PTPRS: variants seen among roughly 807,000 people sequenced by gnomAD.
PTPRS encodes the protein protein tyrosine phosphatase receptor type S.
PTPRS carries 63 observed loss-of-function variants against 215.3 expected under a neutral mutation model. The observed-to-expected ratio is 0.29, with a 90% CI of 0.24 to 0.36. The LOEUF is 0.36. Ranked by LOEUF, PTPRS falls within the 10% of genes least tolerant of loss-of-function variation. The pLI, the probability that PTPRS is intolerant of heterozygous loss-of-function variation, is 1.00. For synonymous variants in PTPRS, 1,404 were observed against 1,191.4 expected (o/e 1.18, Z -3.68); for missense variants, 2,258 against 2,825.8 (o/e 0.80, Z 4.56).
In PTPRS at chr19:5,322,216, C is replaced by G. The variant is rs1243361249; in HGVS notation, c.-95+18448G>C. Among the ~76,000 whole-genome samples, 8 of 152,344 alleles carry G rather than the reference C, an allele frequency of 5.3e-5. No individual in the cohort carries two copies. The East Asian group carries it at 9.6e-4, about 18-fold the overall frequency. ...CAGCTCTGCACAGCAGACACCCTCG[C>G]GGCCGTGCCTTGCTGGAGTATCCAC... On this transcript the variant is annotated intron_variant, in intron 1 of 37. Transcript: ENST00000262963.
chr19:5,244,039 G>A lies in PTPRS; in HGVS notation c.1432C>T (p.His478Tyr). Residue 478 changes from histidine (H) to tyrosine (Y), a missense_variant, in exon 11 of 38, where the codon CAC becomes TAC. This residue lies in a region of PTPRS where 508 missense variants were observed against 799.4 expected (regional missense o/e 0.64). Coordinates refer to ENST00000262963, the MANE Select transcript of PTPRS (RefSeq NM_002850.4). The surrounding 1 kb of genome is among the most constrained non-coding windows in gnomAD (Gnocchi z 7.2). ...GTCAGCAGGCTGTCGTCCACGTTGT[G>A]CTTCTGCCAGTTGCCCACGGGGTGC... ...PEHPVGNWQK[H>Y]NVDDSLLTTV... is the part of the protein sequence containing the mutation. 1 of 1,609,900 alleles carries A rather than the reference G, an allele frequency of 6.2e-7. No individual in the cohort carries two copies. The highest frequency in any genetic ancestry group is 8.5e-7 in the Non-Finnish European group (1 of 1,179,916).
rs535001171 is a variant in PTPRS, at chr19:5,284,533, C to T, written c.91+1517G>A. Reference sequence around the variant, plus strand: ...TGAGACAAGGTCTGGCTCTGTTGCCCAGGCTGAGTGCAGCGGTGCAATCAG... The same window carrying T: ...TGAGACAAGGTCTGGCTCTGTTGCCTAGGCTGAGTGCAGCGGTGCAATCAG... On this transcript the variant is annotated intron_variant, in intron 2 of 37. Coordinates refer to ENST00000262963, the MANE Select transcript of PTPRS (RefSeq NM_002850.4). 7.2e-5 allele frequency among the ~76,000 whole-genome samples: 11 copies of T among 152,188 alleles called. No individual in the cohort carries two copies. The South Asian group carries it at 2.3e-3, about 32-fold the overall frequency.
chr19:5,327,189 G>A lies in PTPRS; in HGVS notation c.-95+13475C>T, dbSNP rs917141937. Among the ~76,000 whole-genome samples, 21 of 152,306 alleles carry A rather than the reference G, an allele frequency of 1.4e-4. 1 individual carries two copies. The highest frequency in any genetic ancestry group is 3.8e-4 in the African/African-American group (16 of 41,574). ...GCACTGCAGTGGGCACACTCCAAGC[G>A]CAACTCAATACCCCGGACACAGCGA... On this transcript the variant is annotated intron_variant, in intron 1 of 37. Transcript: ENST00000262963.
At position 5,338,772 on chromosome 19, in the gene PTPRS, A is replaced by G. The variant is rs2147338283; in HGVS notation, c.-95+1892T>C. Among the ~76,000 whole-genome samples the G allele has an allele frequency of 6.6e-6, 1 of 152,298 alleles. No individual in the cohort carries two copies. Among genetic ancestry groups the G allele is most frequent in the African/African-American group, 2.4e-5 (1 of 41,568 alleles). ...GATTCGACCAAGTCCCTGGGCCATTAATAAACGCTCCAGCAGCTGCCGCTG... is the reference window on the plus strand; with the variant it reads ...GATTCGACCAAGTCCCTGGGCCATTGATAAACGCTCCAGCAGCTGCCGCTG... On this transcript the variant is annotated intron_variant, in intron 1 of 37. Transcript: ENST00000262963. This position sits in a 1 kb window ranked among gnomAD's most constrained non-coding sequence, Gnocchi z 4.2.
chr19:5,336,821 T>C, intron 1 of PTPRS, among the ~76,000 whole-genome samples: 1 of 150,958 alleles, frequency 6.6e-6, no homozygotes, highest in Admixed American at 6.6e-5. Context: ...GGGGGGAGGG[T>C]CTCTCTTCAA....
chr19:5,219,910 G>C (rs771495200), intron 22 of PTPRS, 29 bp downstream of exon 22: 2 of 1,605,250 alleles, frequency 1.2e-6, no homozygotes, highest in Admixed American at 3.3e-5. Flanking sequence ...GGTGTGTCTG[G>C]ATGTGGGCGG....
In PTPRS at chr19:5,229,615, C is replaced by A; in HGVS notation, c.2225G>T (p.Arg742Leu). 1.4e-6 allele frequency: 2 copies of A among 1,405,840 alleles called. No individual in the cohort carries two copies. Among genetic ancestry groups the A allele is most frequent in the Non-Finnish European group, 1.8e-6 (2 of 1,081,582 alleles). The allele number at this position is 1,405,840 out of a possible 1,614,324, so 87.1% of individuals were successfully genotyped here. Residue 742 changes from arginine (R) to leucine (L), a missense_variant, in exon 15 of 38, where the codon CGC (arginine) becomes CTC (leucine). This residue lies in a region of PTPRS where 371 missense variants were observed against 446.7 expected (regional missense o/e 0.83). Coordinates refer to ENST00000262963, the MANE Select transcript of PTPRS (RefSeq NM_002850.4). ...GTGCTGCCGGCCGGGCGCGGGCGAG[C>A]GCCACAGCACGCGGATGGCCGTGGC... Reference protein sequence around the residue: ...LNATAIRVLWRSPAPGRQHGQ... With the variant: ...LNATAIRVLWLSPAPGRQHGQ...
At chr19:5,309,230 G>C (rs367735298) in intron 1 of PTPRS, among the ~76,000 whole-genome samples, 6 of 152,194 alleles carry the variant, frequency 3.9e-5, no homozygotes, top group Non-Finnish European at 5.9e-5. Flanking sequence ...GCCACGTGCT[G>C]TGTGGCCTTG....
At chr19:5,340,617 T>A (rs1186388603) in intron 1 of PTPRS, 47 bp downstream of exon 1, 1 of 149,410 alleles carries the variant, frequency 6.7e-6, no homozygotes, top group African/African-American at 2.4e-5. Flanking sequence ...AGCGCCTGCA[T>A]TTTTTTTTCC....
At chr19:5,215,814 C>T (rs1454084830) in intron 26 of PTPRS, among the ~76,000 whole-genome samples, 3 of 152,016 alleles carry the variant, frequency 2.0e-5, no homozygotes, top group Admixed American at 6.5e-5. Context: ...GTTTGAGGCC[C>T]TCTGCTCCGT....
rs1233414653 is a variant in PTPRS, at chr19:5,215,653, C to T, written c.4097-58G>A. The stretch of plus-strand genomic sequence containing the variant: ...TCACTTGGGGGGCCAGCCGGGGACT[C>T]GGGGGAGGGGGGTGATCTACGTGTG... On this transcript the variant is annotated intron_variant, in intron 26 of 37. Coordinates refer to ENST00000262963, the MANE Select transcript of PTPRS (RefSeq NM_002850.4). The T allele has an allele frequency of 2.0e-4, 51 of 251,550 alleles. No individual in the cohort carries two copies. The East Asian group carries it at 2.8e-3, about 14-fold the overall frequency. The allele number at this position is 251,550 out of a possible 1,614,324, so 15.6% of individuals were successfully genotyped here. A position where few individuals can be genotyped will look rare whatever the true frequency, so the allele number is the denominator to read the frequency against.
chr19:5,314,800 G>A (rs994184133), intron 1 of PTPRS, among the ~76,000 whole-genome samples: 1 of 152,156 alleles, frequency 6.6e-6, no homozygotes, highest in Non-Finnish European at 1.5e-5. Context: ...GACATCACAG[G>A]TTATCCCTGC....
chr19:5,225,404 G>C (rs2042390603), intron 17 of PTPRS, among the ~76,000 whole-genome samples: 1 of 152,210 alleles, frequency 6.6e-6, no homozygotes, highest in African/African-American at 2.4e-5. Context: ...GAGCCAGCCA[G>C]CAGGGGAAGG....
chr19:5,219,886 C>A, intron 22 of PTPRS, 53 bp downstream of exon 22: 1 of 1,569,516 alleles, frequency 6.4e-7, no homozygotes, highest in East Asian at 2.3e-5. Context: ...GGAATGGGGT[C>A]TGCCTCATTC....
intron 5 of PTPRS, among the ~76,000 whole-genome samples, chr19:5,264,730 G>T (rs2046278823): frequency 6.6e-6 from 1 of 152,056 alleles, no homozygotes; most frequent in Non-Finnish European, 1.5e-5. Flanking sequence ...CCTTGTGCAT[G>T]TCTGCATCCA....
chr19:5,216,806 G>C (rs1480563354), intron 25 of PTPRS, 39 bp from the exon 26 acceptor site: 1 of 1,404,520 alleles, frequency 7.1e-7, no homozygotes, highest in Admixed American at 2.0e-5. Context: ...AAACATGCAG[G>C]GGGTAGGGGG....
In PTPRS at chr19:5,257,460, G is replaced by A. The variant is rs757380672; in HGVS notation, c.706+557C>T. The A allele has an allele frequency of 7.2e-5, 33 of 457,902 alleles. No homozygotes were observed. Among genetic ancestry groups the A allele is most frequent in the Middle Eastern group, 7.1e-4 (2 of 2,804 alleles). The allele number at this position is 457,902 out of a possible 1,614,324, so 28.4% of individuals were successfully genotyped here. A position where few individuals can be genotyped will look rare whatever the true frequency, so the allele number is the denominator to read the frequency against. On this transcript the variant is annotated intron_variant, in intron 8 of 37. Transcript: ENST00000262963. This position sits in a 1 kb window ranked among gnomAD's most constrained non-coding sequence, Gnocchi z 4.4. ...GAGTCATTAGGAAGAGGCAGAAGGC[G>A]CCGGGCTCCGGACCAGCTGGTGGGG...
intron 1 of PTPRS, among the ~76,000 whole-genome samples, chr19:5,329,812 C>T (rs537501302): frequency 2.0e-5 from 3 of 151,576 alleles, no homozygotes; most frequent in Admixed American, 1.3e-4. Flanking sequence ...CATGGTGGCT[C>T]ACGCCTGGGA....
intron 1 of PTPRS, among the ~76,000 whole-genome samples, chr19:5,290,292 G>C (rs1189692269): frequency 2.0e-5 from 3 of 152,216 alleles, no homozygotes; most frequent in African/African-American, 7.2e-5. Context: ...CCCCCAGCTG[G>C]GGTGGGACTT....
Sources: allele counts gnomAD v4.1 joint callset (sites outside exome capture counted in the v4.1 genomes callset), GRCh38; gene constraint gnomAD v4.1.1; regional missense constraint gnomAD v4.1.1; non-coding constraint Gnocchi (gnomAD v3.1); transcripts MANE v1.5; gene names NCBI Gene and HGNC (gene_info 2026-07-23, HGNC 2026-07-21).